Variants in ADD2 observed in about 807,000 individuals in gnomAD.
The protein encoded by ADD2 is adducin 2, also known as beta-adducin.
A neutral mutation model predicts 83.0 loss-of-function variants in ADD2; 23 were observed. That is an observed-to-expected ratio of 0.28 (90% confidence interval 0.20 to 0.39). ADD2 has a LOEUF of 0.39. ADD2 is among the 10% of genes least tolerant of loss of function. The probability of loss-of-function intolerance (pLI) is 1.00; values close to 1 mark genes in which losing one functional copy is unlikely to be tolerated. For synonymous variants in ADD2, 375 were observed against 375.4 expected, an observed-to-expected ratio of 1.00 and a Z score of 0.01; for missense variants, 758 against 944.9, an observed-to-expected ratio of 0.80 and a Z score of 2.59.
At chr2:70,673,806 A>C (rs1159392604) in intron 14 of ADD2, among the ~76,000 whole-genome samples, 1 of 152,102 alleles carries the variant, frequency 6.6e-6, no homozygotes, top group Non-Finnish European at 1.5e-5. Flanking sequence ...CATGTTGGCC[A>C]GACTGGTCTC....
intron 10 of ADD2, among the ~76,000 whole-genome samples, chr2:70,681,578 G>T (rs1429728779): frequency 3.9e-5 from 6 of 152,160 alleles, no homozygotes; most frequent in Admixed American, 3.9e-4. Context: ...TTACTGTAAT[G>T]CCATGGTCTC....
chr2:70,677,645 G>GATGT, intron 12 of ADD2, 113 bp downstream of exon 12: 1 of 1,352,444 alleles, frequency 7.4e-7, no homozygotes, highest in Non-Finnish European at 1.0e-6. Flanking sequence ...CTCCTGTGAG[G>GATGT]CATGTGAGAT....
At chr2:70,711,785 C>T (rs1404438094) in intron 2 of ADD2, among the ~76,000 whole-genome samples, 2 of 152,118 alleles carry the variant, frequency 1.3e-5, no homozygotes, top group Non-Finnish European at 2.9e-5. Context: ...ATTGCAAGTA[C>T]CATACTTTCG....
chr2:70,711,224 A>C (rs1368845178), intron 2 of ADD2: 1 of 152,200 alleles, frequency 6.6e-6, no homozygotes, highest in Non-Finnish European at 1.5e-5. Flanking sequence ...GGTTCCTGGC[A>C]CAGAGTTTCA....
chr2:70,671,840 A>G (rs1553367114), intron 15 of ADD2, among the ~76,000 whole-genome samples: 1 of 152,132 alleles, frequency 6.6e-6, no homozygotes, highest in African/African-American at 2.4e-5. Context: ...TCTACTCCAG[A>G]GGGAGAAGAT....
At chr2:70,710,394 A>G (rs1553375272) in intron 2 of ADD2, among the ~76,000 whole-genome samples, 1 of 152,232 alleles carries the variant, frequency 6.6e-6, no homozygotes. Context: ...AGTACAAAGA[A>G]CCAAGAAGCT....
In ADD2 at chr2:70,706,467, C is replaced by A; in HGVS notation, c.-34-25G>T. 6.5e-7 allele frequency: 1 copy of A among 1,545,514 alleles called. No homozygotes were observed. The highest frequency in any genetic ancestry group is 8.7e-7 in the Non-Finnish European group (1 of 1,147,674). On this transcript the variant is annotated intron_variant, in intron 2 of 15. Coordinates refer to ENST00000264436, the MANE Select transcript of ADD2 (RefSeq NM_001617.4). This position sits in a 1 kb window ranked among gnomAD's most constrained non-coding sequence, Gnocchi z 5.0. ...TCTACAGAGAAGGGGAGAGGGTATG[C>A]GGTCAGGTTGGTGCTCCCCATCGGG...
chr2:70,761,700 A>G lies in ADD2; in HGVS notation c.-154+6186T>C, dbSNP rs182095185. Among the ~76,000 whole-genome samples, 757 of 149,052 alleles carry G rather than the reference A, an allele frequency of 5.1e-3. 10 individuals carry two copies. The highest frequency in any genetic ancestry group is 8.7e-3 in the Non-Finnish European group (585 of 67,556). ...ACTTTTTTTTTTTTTGAGACAGAGT[A>G]TCGTTCTGTTGCTCAGGCTGGAGTG... On this transcript the variant is annotated intron_variant, in intron 1 of 15. Coordinates refer to ENST00000264436, the MANE Select transcript of ADD2 (RefSeq NM_001617.4).
intron 1 of ADD2, among the ~76,000 whole-genome samples, chr2:70,716,599 C>T (rs919206513): frequency 2.0e-5 from 3 of 152,210 alleles, no homozygotes; most frequent in Admixed American, 2.0e-4. Context: ...TCCCTGTTGC[C>T]ATAGGGCCTG....
Position 70,677,000 on chromosome 2 carries a change from C to A in ADD2, c.1504-115G>T. On this transcript the variant is annotated intron_variant, in intron 12 of 15. Coordinates refer to ENST00000264436, the MANE Select transcript of ADD2 (RefSeq NM_001617.4). This position sits in a 1 kb window ranked among gnomAD's most constrained non-coding sequence, Gnocchi z 4.8. ...GAAAGGTCCTCTAGCGGTGTGGGAG[C>A]CCGTCACCTATCCTAATGCAATCCT... The A allele has an allele frequency of 6.8e-7, 1 of 1,466,434 alleles. No individual in the cohort carries two copies. The allele number at this position is 1,466,434 out of a possible 1,614,324, so 90.8% of individuals were successfully genotyped here.
At chr2:70,761,473 T>A (rs1553384916) in intron 1 of ADD2, among the ~76,000 whole-genome samples, 1 of 148,112 alleles carries the variant, frequency 6.8e-6, no homozygotes, top group African/African-American at 2.5e-5. Flanking sequence ...CCGGGCGTGG[T>A]GGCAGGTGCC....
At position 70,676,734 on chromosome 2, in the gene ADD2, G is replaced by A. The variant is rs1670165415; in HGVS notation, c.1593+62C>T. The A allele has an allele frequency of 3.7e-6, 6 of 1,610,476 alleles. No homozygotes were observed. The highest frequency in any genetic ancestry group is 3.4e-6 in the Non-Finnish European group (4 of 1,178,122). ...TCAGGGGTCCTGCAACCCAGCCCCA[G>A]GCACAGAAGACCCCGAAGGCAAACA... On this transcript the variant is annotated intron_variant, in intron 13 of 15. Coordinates refer to ENST00000264436, the MANE Select transcript of ADD2 (RefSeq NM_001617.4). This position sits in a 1 kb window ranked among gnomAD's most constrained non-coding sequence, Gnocchi z 4.8.
chr2:70,669,770 T>C (rs782424347), intron 15 of ADD2, among the ~76,000 whole-genome samples: 2 of 152,212 alleles, frequency 1.3e-5, no homozygotes, highest in Non-Finnish European at 2.9e-5. Flanking sequence ...TTGGGAGCCT[T>C]ATACCACCAT....
chr2:70,693,922 T>G (rs1163086107), intron 6 of ADD2, among the ~76,000 whole-genome samples: 1 of 152,210 alleles, frequency 6.6e-6, no homozygotes, highest in Non-Finnish European at 1.5e-5. Context: ...TACCCCCTCT[T>G]GAGGACAGCC....
chr2:70,687,971 A>C, intron 9 of ADD2, 53 bp downstream of exon 9: 2 of 1,415,166 alleles, frequency 1.4e-6, no homozygotes, highest in Non-Finnish European at 2.0e-6. Context: ...GTTTGCCCAC[A>C]GGCCCCTGTC....
intron 1 of ADD2, chr2:70,767,641 C>T: frequency 7.5e-7 from 1 of 1,329,140 alleles, no homozygotes; most frequent in Non-Finnish European, 9.6e-7. Flanking sequence ...GTCCCACCAT[C>T]CCCAAGCAGG....
intron 1 of ADD2, among the ~76,000 whole-genome samples, chr2:70,727,163 C>G (rs1359741140): frequency 6.6e-6 from 1 of 152,208 alleles, no homozygotes; most frequent in Non-Finnish European, 1.5e-5. Context: ...AGCAGGAAGA[C>G]TGGCACTGTG....
chr2:70,695,673 T>G, intron 6 of ADD2, 48 bp downstream of exon 6: 1 of 1,544,270 alleles, frequency 6.5e-7, no homozygotes, highest in Middle Eastern at 1.7e-4. Flanking sequence ...ACAGAGAGAG[T>G]GCTGTCATTT....
chr2:70,678,687 C>G lies in ADD2; in HGVS notation c.1383+17G>C. ...CCTGCCCCTCTCTGCCCGGGTCTGT[C>G]CTGGGCTCCCCCTTACCGTGGTCTT... On this transcript the variant is annotated intron_variant, in intron 11 of 15. Transcript: ENST00000264436. 6.5e-7 allele frequency: 1 copy of G among 1,541,324 alleles called. No homozygotes were observed. Among genetic ancestry groups the G allele is most frequent in the Non-Finnish European group, 8.7e-7 (1 of 1,144,578 alleles).
Sources: gnomAD v4.1 joint callset for allele counts (sites outside exome capture counted in the v4.1 genomes callset) on GRCh38, gnomAD v4.1.1 for gene constraint, Gnocchi (gnomAD v3.1) non-coding constraint, MANE v1.5 for transcripts, NCBI Gene and HGNC (gene_info 2026-07-23, HGNC 2026-07-21) for gene names.